The following PRELID2 variants were observed in gnomAD, a reference collection of about 807,000 sequenced individuals.
The protein encoded by PRELID2 is PRELI domain containing 2, also known as PRELI domain-containing protein 2.
PRELID2 carries 25 observed loss-of-function variants against 28.4 expected under a neutral mutation model. The ratio of observed to expected loss-of-function variants is 0.88; its 90% CI spans 0.64 to 1.23. The LOEUF is 1.23. Among genes scored for constraint, PRELID2 ranks in the 50% most tolerant of loss-of-function variants. PRELID2 has a pLI of 0.00. For synonymous variants in PRELID2, 76 were observed against 71.6 expected (o/e 1.06, Z -0.31); for missense variants, 201 against 214.4 (o/e 0.94, Z 0.39).
chr5:145,294,080 T>C, the PRELID2 span, among the ~76,000 whole-genome samples: 5 of 152,172 alleles, frequency 3.3e-5, no homozygotes, highest in Non-Finnish European at 7.4e-5. Flanking sequence ...CTTTTAAAGA[T>C]TTTGTCCCAA....
At chr5:145,831,379 ATGAAC>A (rs1221434625) in intron 1 of PRELID2, among the ~76,000 whole-genome samples, 1 of 152,204 alleles carries the variant, frequency 6.6e-6, no homozygotes, top group Non-Finnish European at 1.5e-5. Flanking sequence ...CCCTAGCCCT[ATGAAC>A]TGTGAGCTTA....
At chr5:145,289,566 G>A in the PRELID2 span, among the ~76,000 whole-genome samples, 4 of 152,180 alleles carry the variant, frequency 2.6e-5, no homozygotes, top group African/African-American at 9.7e-5. Flanking sequence ...ATATTTGCAT[G>A]CAGACATCTG....
chr5:145,312,191 CAA>C, the PRELID2 span, among the ~76,000 whole-genome samples: 1 of 141,978 alleles, frequency 7.0e-6, no homozygotes, highest in East Asian at 2.1e-4. Context: ...ACTAAAAATA[CAA>C]AAAAAAAAAA....
chr5:145,613,771 G>A (rs1303259395), intron 1 of PRELID2, among the ~76,000 whole-genome samples: 1 of 152,044 alleles, frequency 6.6e-6, no homozygotes, highest in Non-Finnish European at 1.5e-5. Context: ...CATTCTGTGG[G>A]TTGTCCATTT....
intron 1 of PRELID2, among the ~76,000 whole-genome samples, chr5:145,532,978 C>T (rs1224714040): frequency 6.6e-6 from 1 of 152,006 alleles, no homozygotes; most frequent in African/African-American, 2.4e-5. Context: ...AATAAACACC[C>T]AGAAATGGGA....
chr5:145,256,900 G>T, the PRELID2 span, among the ~76,000 whole-genome samples: 7 of 151,680 alleles, frequency 4.6e-5, no homozygotes, highest in East Asian at 1.4e-3. Context: ...TGAAAATATT[G>T]TTCAAAAATG....
At chr5:145,319,734 T>C in the PRELID2 span, among the ~76,000 whole-genome samples, 1 of 150,988 alleles carries the variant, frequency 6.6e-6, no homozygotes, top group African/African-American at 2.4e-5. Context: ...TAAATAATTT[T>C]TAAAAAGTAA....
At chr5:145,332,403 C>T in the PRELID2 span, among the ~76,000 whole-genome samples, 1 of 152,256 alleles carries the variant, frequency 6.6e-6, no homozygotes, top group East Asian at 1.9e-4. Context: ...TCAGGTACAC[C>T]AATCAAACGT....
chr5:145,720,748 T>G (rs918313916), intron 1 of PRELID2, among the ~76,000 whole-genome samples: 7 of 151,020 alleles, frequency 4.6e-5, no homozygotes, highest in African/African-American at 1.7e-4. Flanking sequence ...AAAAATAACA[T>G]AAAATGTCAA....
rs145797496 is a variant in PRELID2 at position 145,621,739 on chromosome 5, T to C, written n.70+143192A>G. Among the ~76,000 whole-genome samples, 288 of 152,266 alleles carry C rather than the reference T, an allele frequency of 1.9e-3. 2 individuals are homozygous for C. The highest frequency in any genetic ancestry group is 6.5e-3 in the African/African-American group (270 of 41,568). Reference sequence around the variant, plus strand: ...AGGTTAGTTAATGGATAGAGAATTATAGCTAGATTGGAGGAATAACTTCTA... The same window carrying C: ...AGGTTAGTTAATGGATAGAGAATTACAGCTAGATTGGAGGAATAACTTCTA... On this transcript the variant is annotated intron_variant and non_coding_transcript_variant, in intron 1 of 2. Coordinates refer to the PRELID2 transcript ENST00000510259.
At chr5:145,485,866 G>A (rs1440963564) in intron 1 of PRELID2, among the ~76,000 whole-genome samples, 1 of 152,180 alleles carries the variant, frequency 6.6e-6, no homozygotes, top group Non-Finnish European at 1.5e-5. Context: ...TGTATTAAAT[G>A]CCTACTGAGA....
At chr5:145,472,833 C>T (rs1192331332) in intron 2 of PRELID2, among the ~76,000 whole-genome samples, 1 of 152,136 alleles carries the variant, frequency 6.6e-6, no homozygotes, top group Non-Finnish European at 1.5e-5. Flanking sequence ...AAGCCTGAAT[C>T]ATCATTCTCT....
At chr5:145,459,696 G>T in the PRELID2 span, among the ~76,000 whole-genome samples, 4 of 151,710 alleles carry the variant, frequency 2.6e-5, no homozygotes, top group Non-Finnish European at 5.9e-5. Context: ...GAAACAAAAA[G>T]AAAAGGCATA....
At chr5:145,248,677 G>GTCCCA in the PRELID2 span, among the ~76,000 whole-genome samples, 39 of 152,124 alleles carry the variant, frequency 2.6e-4, no homozygotes, top group African/African-American at 9.4e-4. Context: ...CACACCTGTA[G>GTCCCA]TCCCAGCTAC....
chr5:145,536,403 T>G (rs1375824625), intron 1 of PRELID2, among the ~76,000 whole-genome samples: 1 of 151,956 alleles, frequency 6.6e-6, no homozygotes, highest in African/African-American at 2.4e-5. Flanking sequence ...TTTGCTCATT[T>G]GTATACAACG....
the PRELID2 span, among the ~76,000 whole-genome samples, chr5:145,340,111 T>G: frequency 4.6e-5 from 7 of 152,136 alleles, no homozygotes; most frequent in African/African-American, 1.4e-4. Flanking sequence ...CTAAGGGGCC[T>G]GAGGACAAGT....
At chr5:145,549,174 A>G (rs1752811982) in intron 1 of PRELID2, among the ~76,000 whole-genome samples, 1 of 152,118 alleles carries the variant, frequency 6.6e-6, no homozygotes, top group African/African-American at 2.4e-5. Flanking sequence ...CACTTGCCCT[A>G]TGTTACTGCT....
At chr5:145,350,352 A>T in the PRELID2 span, among the ~76,000 whole-genome samples, 3 of 152,188 alleles carry the variant, frequency 2.0e-5, no homozygotes, top group Non-Finnish European at 2.9e-5. Context: ...TTAAAGGATG[A>T]GTGGGAACTC....
At chr5:145,285,440 A>G in the PRELID2 span, among the ~76,000 whole-genome samples, 1 of 152,156 alleles carries the variant, frequency 6.6e-6, no homozygotes, top group Admixed American at 6.6e-5. Flanking sequence ...AGCAGAATTA[A>G]GCTTGACTTT....
Sources: allele counts gnomAD v4.1 joint callset (sites outside exome capture counted in the v4.1 genomes callset), GRCh38; gene constraint gnomAD v4.1.1; transcripts MANE v1.5; gene names NCBI Gene and HGNC (gene_info 2026-07-23, HGNC 2026-07-21).